The following ZNF385D variants were observed in gnomAD, a reference collection of about 807,000 sequenced individuals.
The protein encoded by ZNF385D is zinc finger protein 385D, also known as zinc finger protein 659.
ZNF385D carries 15 observed loss-of-function variants against 35.8 expected under a neutral mutation model. That is an observed-to-expected ratio of 0.42 (90% CI 0.28 to 0.64). ZNF385D has a LOEUF of 0.64. Ranked by LOEUF, ZNF385D falls within the 30% of genes least tolerant of loss-of-function variation. The pLI, the probability that ZNF385D is intolerant of heterozygous loss-of-function variation, is 0.23. For synonymous variants in ZNF385D, 212 were observed against 186.8 expected, an observed-to-expected ratio of 1.13 and a Z score of -1.10; for missense variants, 474 against 494.6, an observed-to-expected ratio of 0.96 and a Z score of 0.39.
intron 3 of ZNF385D, chr3:22,134,290 A>T (rs972087806): frequency 2.6e-5 from 4 of 152,164 alleles, no homozygotes; most frequent in Non-Finnish European, 5.9e-5. Flanking sequence ...TGTAATTCAG[A>T]ACAAAAAAAT....
intron 3 of ZNF385D, among the ~76,000 whole-genome samples, chr3:21,775,953 A>G (rs1262373142): frequency 6.6e-6 from 1 of 151,744 alleles, no homozygotes; most frequent in East Asian, 1.9e-4. Context: ...AAATACTGCT[A>G]ATAGTATTTT....
intron 2 of ZNF385D, among the ~76,000 whole-genome samples, chr3:21,597,041 A>G (rs1434647437): frequency 6.6e-6 from 1 of 152,198 alleles, no homozygotes; most frequent in Non-Finnish European, 1.5e-5. Context: ...TTAAAAAGGT[A>G]TTTATAATTA....
chr3:22,004,275 C>CA (rs1246951742), intron 3 of ZNF385D, among the ~76,000 whole-genome samples: 1 of 151,944 alleles, frequency 6.6e-6, no homozygotes, highest in Non-Finnish European at 1.5e-5. Flanking sequence ...TCAGCATATT[C>CA]AAAAAATGAC....
chr3:22,206,123 A>G (rs1390885340), intron 2 of ZNF385D, among the ~76,000 whole-genome samples: 1 of 152,074 alleles, frequency 6.6e-6, no homozygotes, highest in Non-Finnish European at 1.5e-5. Context: ...AAAAGGCAGG[A>G]ACAGCTATAC....
intron 2 of ZNF385D, among the ~76,000 whole-genome samples, chr3:22,221,036 C>T (rs1055827013): frequency 6.6e-6 from 1 of 151,796 alleles, no homozygotes; most frequent in Middle Eastern, 3.4e-3. Context: ...TTGATTTATT[C>T]CAGAACATGA....
chr3:21,749,957 G>GGATACATT (rs3065096), intron 1 of ZNF385D, among the ~76,000 whole-genome samples: 69,587 of 151,558 alleles, frequency 0.46, 16,192 homozygotes, highest in South Asian at 0.55. Context: ...TTTGCATCTT[G>GGATACATT]GATACATTTC....
chr3:22,168,243 A>G (rs1286766615), intron 3 of ZNF385D, among the ~76,000 whole-genome samples: 2 of 152,126 alleles, frequency 1.3e-5, no homozygotes, highest in African/African-American at 4.8e-5. Flanking sequence ...TTTCTTCCCA[A>G]AGATATTTTT....
At chr3:21,476,759 T>TA (rs564303591) in intron 4 of ZNF385D, among the ~76,000 whole-genome samples, 3 of 152,122 alleles carry the variant, frequency 2.0e-5, no homozygotes, top group Non-Finnish European at 4.4e-5. Context: ...ATGTAATTTT[T>TA]ATCTCCTTTC....
intron 3 of ZNF385D, among the ~76,000 whole-genome samples, chr3:22,004,842 A>G (rs192395456): frequency 2.0e-5 from 3 of 152,220 alleles, no homozygotes; most frequent in African/African-American, 7.2e-5. Flanking sequence ...GACTGAACAA[A>G]TGTACATCTC....
At chr3:22,252,599 AT>A (rs1461576829) in intron 2 of ZNF385D, among the ~76,000 whole-genome samples, 1 of 152,072 alleles carries the variant, frequency 6.6e-6, no homozygotes, top group Admixed American at 6.6e-5. Flanking sequence ...AGTATTTACC[AT>A]GTATCATCTC....
intron 2 of ZNF385D, among the ~76,000 whole-genome samples, chr3:22,272,401 C>G (rs1384738529): frequency 6.6e-6 from 1 of 151,214 alleles, no homozygotes; most frequent in East Asian, 2.0e-4. Context: ...AATTCTAAAC[C>G]TTCACCATCT....
chr3:22,103,979 A>T (rs1262249522), intron 3 of ZNF385D, among the ~76,000 whole-genome samples: 2 of 152,140 alleles, frequency 1.3e-5, no homozygotes, highest in African/African-American at 2.4e-5. Flanking sequence ...GCAGCATGAG[A>T]AATTTATTCA....
At position 22,149,173 on chromosome 3, in the gene ZNF385D, A is replaced by G. The variant is rs192955338; in HGVS notation, c.325+19644T>C. 3.5e-3 allele frequency among the ~76,000 whole-genome samples: 530 copies of G among 152,252 alleles called. 5 individuals carry two copies. Among genetic ancestry groups the G allele is most frequent in the Non-Finnish European group, 5.8e-3 (397 of 68,014 alleles). On this transcript the variant is annotated intron_variant, in intron 3 of 5. Transcript: ENST00000494108. The stretch of plus-strand genomic sequence containing the variant: ...TTTAGACCCCCGGCTGATTTGTATG[A>G]ATGTTAAAGTGTAAGAGGAACCCTG...
chr3:21,750,118 T>C (rs902738337), intron 1 of ZNF385D, among the ~76,000 whole-genome samples: 1 of 152,230 alleles, frequency 6.6e-6, no homozygotes, highest in Admixed American at 6.5e-5. Flanking sequence ...TCTTATTTAG[T>C]GAAGGGGCTT....
At chr3:21,920,946 T>C (rs989622647) in intron 3 of ZNF385D, among the ~76,000 whole-genome samples, 6 of 152,058 alleles carry the variant, frequency 3.9e-5, no homozygotes, top group Non-Finnish European at 7.4e-5. Flanking sequence ...TAAGGCGCAG[T>C]GGCTCATGCT....
chr3:22,151,458 C>T (rs1705227610), intron 3 of ZNF385D, among the ~76,000 whole-genome samples: 1 of 152,102 alleles, frequency 6.6e-6, no homozygotes, highest in African/African-American at 2.4e-5. Flanking sequence ...GCAATTCCTA[C>T]AGTTGATGGA....
chr3:21,931,722 G>A (rs370239031), intron 3 of ZNF385D, among the ~76,000 whole-genome samples: 4 of 152,242 alleles, frequency 2.6e-5, no homozygotes, highest in South Asian at 4.1e-4. Flanking sequence ...AGAGACAAGA[G>A]GGGTATTTGG....
chr3:21,441,149 T>A (rs1209432793), intron 4 of ZNF385D, among the ~76,000 whole-genome samples: 1 of 152,182 alleles, frequency 6.6e-6, no homozygotes, highest in Non-Finnish European at 1.5e-5. Context: ...ATAACTATTA[T>A]TATAAACTTC....
chr3:22,079,953 G>A (rs1479994), intron 3 of ZNF385D, among the ~76,000 whole-genome samples: 6 of 151,724 alleles, frequency 4.0e-5, no homozygotes, highest in Non-Finnish European at 7.4e-5. Context: ...TAGATAGATA[G>A]ATAGGTATTC....
Sources: gnomAD v4.1 joint callset for allele counts (sites outside exome capture counted in the v4.1 genomes callset) on GRCh38, gnomAD v4.1.1 for gene constraint, MANE v1.5 for transcripts, NCBI Gene and HGNC (gene_info 2026-07-23, HGNC 2026-07-21) for gene names.